The following SHISA9 variants were observed in gnomAD, a reference collection of about 807,000 sequenced individuals.
SHISA9 encodes the protein shisa family member 9, also known as protein shisa-9.
In SHISA9, 13 loss-of-function variants were observed where a neutral mutation model predicts 38.0. The observed-to-expected ratio is 0.34, with a 90% CI of 0.22 to 0.54. SHISA9 has a LOEUF of 0.54. Ranked by LOEUF, SHISA9 falls within the 20% of genes least tolerant of loss-of-function variation. The pLI, the probability that SHISA9 is intolerant of heterozygous loss-of-function variation, is 0.91. For synonymous variants in SHISA9, 275 were observed against 242.0 expected (o/e 1.14, Z -1.27); for missense variants, 538 against 575.8 (o/e 0.93, Z 0.67).
chr16:12,978,455 G>A (rs1001775151), intron 2 of SHISA9, among the ~76,000 whole-genome samples: 5 of 152,234 alleles, frequency 3.3e-5, no homozygotes, highest in Non-Finnish European at 7.3e-5. Context: ...TATTCTCCAT[G>A]TAGATGGTAA....
At position 13,203,550 on chromosome 16, in the gene SHISA9, G is replaced by A. The variant is rs2051027976; in HGVS notation, c.847+1G>A. On this transcript the variant is annotated splice_donor_variant, in intron 3 of 4. Coordinates refer to ENST00000558583, the MANE Select transcript of SHISA9 (RefSeq NM_001145204.3). LOFTEE classifies it high-confidence loss of function. ...AAGTACGCCTCCTTAAAGGCAGTCG[G>A]TAAGTGCCACCTGATGGATCTTTTT... 6.6e-7 allele frequency: 1 copy of A among 1,525,318 alleles called. No homozygotes were observed. The highest frequency in any genetic ancestry group is 2.1e-5 in the Admixed American group (1 of 46,530). The allele number at this position is 1,525,318 out of a possible 1,614,324, so 94.5% of individuals were successfully genotyped here.
the SHISA9 span, among the ~76,000 whole-genome samples, chr16:13,410,311 T>C: frequency 6.6e-6 from 1 of 152,318 alleles, no homozygotes; most frequent in African/African-American, 2.4e-5. Flanking sequence ...TTCCAATCAA[T>C]AGTTTTATTA....
At chr16:13,273,804 C>G in the SHISA9 span, among the ~76,000 whole-genome samples, 7 of 152,144 alleles carry the variant, frequency 4.6e-5, no homozygotes, top group Non-Finnish European at 1.5e-5. Context: ...TGTTCATTTT[C>G]TCTCCTAAAC....
chr16:12,910,477 G>C (rs1440818266), intron 1 of SHISA9: 2 of 985,272 alleles, frequency 2.0e-6, no homozygotes, highest in African/African-American at 3.5e-5. Flanking sequence ...AAATGTACAA[G>C]AAAGTTGAGC....
intron 2 of SHISA9, among the ~76,000 whole-genome samples, chr16:12,931,417 C>T (rs1008708643): frequency 1.4e-4 from 21 of 152,092 alleles, no homozygotes; most frequent in African/African-American, 4.8e-4. Context: ...GATAGTTTTC[C>T]AGCCCTTGTA....
At chr16:13,035,437 G>T (rs1216609896) in intron 2 of SHISA9, among the ~76,000 whole-genome samples, 3 of 152,142 alleles carry the variant, frequency 2.0e-5, no homozygotes, top group African/African-American at 7.2e-5. Context: ...GGTGATAGAG[G>T]TTTGTCCACA....
chr16:13,250,145 C>T, the SHISA9 span, among the ~76,000 whole-genome samples: 1 of 152,192 alleles, frequency 6.6e-6, no homozygotes, highest in Non-Finnish European at 1.5e-5. Context: ...CTGGCTCCTG[C>T]TGCTGTTTTC....
At chr16:13,006,096 T>G (rs12918632) in intron 2 of SHISA9, among the ~76,000 whole-genome samples, 27,946 of 152,166 alleles carry the variant, frequency 0.18, 3,337 homozygotes, top group Middle Eastern at 0.31. Flanking sequence ...TCTGAGAGAC[T>G]GACTTCAGAT....
intron 2 of SHISA9, among the ~76,000 whole-genome samples, chr16:13,155,956 G>C (rs1313989414): frequency 6.6e-6 from 1 of 152,218 alleles, no homozygotes; most frequent in Non-Finnish European, 1.5e-5. Flanking sequence ...AAATGTGTTT[G>C]CGGGGATGCC....
At chr16:12,927,826 C>T (rs1484705093) in intron 2 of SHISA9, among the ~76,000 whole-genome samples, 2 of 152,098 alleles carry the variant, frequency 1.3e-5, no homozygotes, top group Non-Finnish European at 2.9e-5. Flanking sequence ...GTTCAAACCA[C>T]CCAGCCAGAA....
chr16:13,411,009 T>A, the SHISA9 span, among the ~76,000 whole-genome samples: 1 of 152,220 alleles, frequency 6.6e-6, no homozygotes, highest in Non-Finnish European at 1.5e-5. Flanking sequence ...GGTAGAGTAC[T>A]GGGTATAGGT....
At chr16:13,033,615 C>G (rs539843855) in intron 2 of SHISA9, among the ~76,000 whole-genome samples, 2 of 152,138 alleles carry the variant, frequency 1.3e-5, no homozygotes, top group Non-Finnish European at 2.9e-5. Flanking sequence ...AATCAAGAGA[C>G]TCAGGCATGG....
At chr16:13,491,250 C>A in the SHISA9 span, among the ~76,000 whole-genome samples, 1 of 152,022 alleles carries the variant, frequency 6.6e-6, no homozygotes, top group African/African-American at 2.4e-5. Flanking sequence ...GTGATAATGA[C>A]GATGACGATG....
At chr16:13,128,585 C>A (rs1434881563) in intron 2 of SHISA9, among the ~76,000 whole-genome samples, 2 of 152,170 alleles carry the variant, frequency 1.3e-5, no homozygotes, top group African/African-American at 4.8e-5. Context: ...ACTCTTACCA[C>A]AGTGCCAGAC....
chr16:12,970,454 T>C (rs12922975), intron 2 of SHISA9, among the ~76,000 whole-genome samples: 4,179 of 69,016 alleles, frequency 0.061, 218 homozygotes, highest in Non-Finnish European at 0.083. Flanking sequence ...CATATATATA[T>C]ACATATATGT....
the SHISA9 span, among the ~76,000 whole-genome samples, chr16:13,403,124 A>AC: frequency 6.6e-6 from 1 of 150,882 alleles, no homozygotes; most frequent in Admixed American, 6.6e-5. Context: ...AAAAAAAAAA[A>AC]CCAAAGAAAT....
chr16:13,173,420 T>C (rs1450017452), intron 2 of SHISA9, among the ~76,000 whole-genome samples: 1 of 151,280 alleles, frequency 6.6e-6, no homozygotes, highest in Non-Finnish European at 1.5e-5. Context: ...ATTTTCCTAA[T>C]TGTAGATTAG....
At chr16:13,456,601 G>C in the SHISA9 span, among the ~76,000 whole-genome samples, 10 of 152,224 alleles carry the variant, frequency 6.6e-5, no homozygotes, top group Non-Finnish European at 1.2e-4. Context: ...TGTCATGCCT[G>C]ATAGAGTGTC....
chr16:13,502,045 G>A, the SHISA9 span, among the ~76,000 whole-genome samples: 3 of 151,746 alleles, frequency 2.0e-5, no homozygotes, highest in African/African-American at 7.3e-5. Context: ...TAAATGAACA[G>A]ATGGATGAAT....
Sources: allele counts gnomAD v4.1 joint callset (sites outside exome capture counted in the v4.1 genomes callset), GRCh38; gene constraint gnomAD v4.1.1; transcripts MANE v1.5; gene names NCBI Gene and HGNC (gene_info 2026-07-23, HGNC 2026-07-21).